SP3: variants seen among roughly 807,000 people sequenced by gnomAD.
SP3 encodes Sp3 transcription factor.
In SP3, 10 loss-of-function variants were observed where a neutral mutation model predicts 70.3. The ratio of observed to expected loss-of-function variants is 0.14; its 90% CI spans 0.09 to 0.24. SP3 has a LOEUF of 0.24. SP3 is among the 10% of genes least tolerant of loss of function. The pLI is 1.00. For synonymous variants in SP3, 402 were observed against 333.5 expected (o/e 1.21, Z -2.24); for missense variants, 825 against 914.6 (o/e 0.90, Z 1.26).
chr2:173,917,094 ATG>A (rs1559090933), intron 5 of SP3, among the ~76,000 whole-genome samples: 2 of 152,118 alleles, frequency 1.3e-5, no homozygotes, highest in Non-Finnish European at 1.5e-5. Context: ...TAAATGTCCT[ATG>A]TGTCTACATT....
In SP3 at chr2:173,901,211, A is replaced by G. The variant is rs994265680; in HGVS notation, c.*8730T>C. On this transcript the variant is annotated 3_prime_UTR_variant, in exon 7 of 7. Coordinates refer to ENST00000310015, the MANE Select transcript of SP3 (RefSeq NM_003111.5). ...AATTAACAAGATAAATAGAAAGGCA[A>G]AATCATAAAATTTTTAGACAAAAAT... Among the ~76,000 whole-genome samples the G allele has an allele frequency of 6.6e-6, 1 of 152,086 alleles. No homozygotes were observed. Among genetic ancestry groups the G allele is most frequent in the Non-Finnish European group, 1.5e-5 (1 of 68,028 alleles).
intron 4 of SP3, among the ~76,000 whole-genome samples, chr2:173,930,272 T>C (rs1312720944): frequency 6.6e-6 from 1 of 152,154 alleles, no homozygotes; most frequent in African/African-American, 2.4e-5. Flanking sequence ...CTCCTACTGA[T>C]TGGAGGTAAG....
At chr2:173,930,808 G>A (rs1187619743) in intron 4 of SP3, among the ~76,000 whole-genome samples, 1 of 152,148 alleles carries the variant, frequency 6.6e-6, no homozygotes, top group Non-Finnish European at 1.5e-5. Flanking sequence ...AGTGATGATA[G>A]GCTGTAATAA....
intron 3 of SP3, among the ~76,000 whole-genome samples, chr2:173,961,794 G>C (rs1691088682): frequency 6.6e-6 from 1 of 152,178 alleles, no homozygotes; most frequent in East Asian, 1.9e-4. Context: ...GATGTCTTAA[G>C]TTCATATTTG....
intron 6 of SP3, among the ~76,000 whole-genome samples, 184 bp downstream of exon 6, chr2:173,912,886 G>A (rs1265286821): frequency 2.0e-5 from 3 of 152,152 alleles, no homozygotes; most frequent in Admixed American, 2.0e-4. Flanking sequence ...TAGAAGATAA[G>A]CCAGACTGAC....
At position 173,910,069 on chromosome 2, in the gene SP3, T is replaced by C. The variant is rs554621330; in HGVS notation, c.2218A>G (p.Ile740Val). ...AGGTTLILAN[I>V]QQGSVSGIGT... ...ATCCCTGAAACAGAACCTTGTTGAA[T>C]ATTTGCAAGGATAAGCGTTGTTCCT... is the stretch of plus-strand genomic sequence containing the variant. The change falls in exon 7 of 7, where the codon ATT (isoleucine) becomes GTT (valine). Residue 740 changes from isoleucine (I) to valine (V), a missense_variant. Around this residue, in one of 4 missense-constraint regions of SP3, gnomAD observed 91 missense variants for 97.4 expected, o/e 0.93. Transcript: ENST00000310015. The C allele has an allele frequency of 6.2e-7, 1 of 1,613,032 alleles. No individual in the cohort carries two copies. Among genetic ancestry groups the C allele is most frequent in the South Asian group, 1.1e-5 (1 of 90,874 alleles).
rs200981487 is a variant in SP3, at chr2:173,955,261, T to C, written c.1251A>G (p.Thr417=). 6.2e-7 allele frequency: 1 copy of C among 1,614,140 alleles called. No individual in the cohort carries two copies. The highest frequency in any genetic ancestry group is 8.5e-7 in the Non-Finnish European group (1 of 1,180,018). The change falls in exon 4 of 7, where the codon ACA becomes ACG. Residue 417 remains threonine, a synonymous_variant. Coordinates refer to ENST00000310015, the MANE Select transcript of SP3 (RefSeq NM_003111.5). ...TSQAQIVQGI[T]PQTIHGVQAS... is the part of the protein sequence containing the mutation. Reference sequence around the variant, plus strand: ...CTTGCACACCATGGATTGTCTGTGGTGTAATACCTTGCACAATTTGGGCTT... The same window carrying C: ...CTTGCACACCATGGATTGTCTGTGGCGTAATACCTTGCACAATTTGGGCTT...
chr2:173,940,256 T>C (rs1690331464), intron 4 of SP3, among the ~76,000 whole-genome samples: 1 of 152,190 alleles, frequency 6.6e-6, no homozygotes, highest in Admixed American at 6.5e-5. Context: ...ACAATTTTAC[T>C]GCTGACAAGG....
At chr2:173,964,098 C>A in intron 2 of SP3, 1 of 347,408 alleles carries the variant, frequency 2.9e-6, no homozygotes, top group South Asian at 1.2e-4. Flanking sequence ...GCTCCCCGGT[C>A]CGCGGGCAGG....
At chr2:173,933,527 C>T (rs182088175) in intron 4 of SP3, among the ~76,000 whole-genome samples, 13 of 151,334 alleles carry the variant, frequency 8.6e-5, no homozygotes, top group African/African-American at 1.5e-4. Context: ...ATCACCATGA[C>T]GTATTTCATT....
chr2:173,913,740 AG>A (rs2105455240), intron 5 of SP3: 1 of 152,386 alleles, frequency 6.6e-6, no homozygotes, highest in Non-Finnish European at 1.5e-5. Flanking sequence ...AGGCAGCTTT[AG>A]CAGACTTTAA....
intron 3 of SP3, among the ~76,000 whole-genome samples, chr2:173,959,387 C>T (rs902396452): frequency 1.3e-5 from 2 of 151,080 alleles, no homozygotes; most frequent in Non-Finnish European, 3.0e-5. Context: ...TGATGTTAGA[C>T]TACTGGAAAC....
intron 4 of SP3, among the ~76,000 whole-genome samples, chr2:173,921,778 G>C (rs534736208): frequency 6.6e-6 from 1 of 152,298 alleles, no homozygotes; most frequent in East Asian, 1.9e-4. Flanking sequence ...GGTGGAGGTG[G>C]AGCCTGGTAG....
At chr2:173,917,992 T>TC (rs1055581416) in intron 5 of SP3, among the ~76,000 whole-genome samples, 1 of 149,870 alleles carries the variant, frequency 6.7e-6, no homozygotes, top group African/African-American at 2.4e-5. Context: ...TGGATCTTGT[T>TC]TTTTTTTTTA....
intron 3 of SP3, among the ~76,000 whole-genome samples, chr2:173,956,637 GATTT>G (rs1690903052): frequency 3.3e-5 from 5 of 152,146 alleles, no homozygotes. Flanking sequence ...ACTTAGAAAA[GATTT>G]ATTGCTATAA....
intron 4 of SP3, among the ~76,000 whole-genome samples, chr2:173,926,855 G>C (rs1380178993): frequency 6.6e-6 from 1 of 152,092 alleles, no homozygotes; most frequent in Non-Finnish European, 1.5e-5. Context: ...ATGCTTTTTA[G>C]ATAGTATTGT....
At position 173,906,759 on chromosome 2, in the gene SP3, T is replaced by C. The variant is rs537711073; in HGVS notation, c.*3182A>G. The C allele has an allele frequency of 1.3e-5, 2 of 152,300 alleles. No homozygotes were observed. Among genetic ancestry groups the C allele is most frequent in the South Asian group, 2.1e-4 (1 of 4,820 alleles). 9.4% of individuals were successfully genotyped at this position (152,300 alleles called of 1,614,324 possible). On this transcript the variant is annotated 3_prime_UTR_variant, in exon 7 of 7. Transcript: ENST00000310015. ...GGGATGCTTGCTCTATTTTAAGTGA[T>C]TGTAACGCAGGAGTGTTTAACAGAA...
rs750852641 is a variant in SP3, at chr2:173,907,076, C to T, written c.*2865G>A. The T allele has an allele frequency of 6.6e-6, 1 of 152,094 alleles. No individual in the cohort carries two copies. The highest frequency in any genetic ancestry group is 1.5e-5 in the Non-Finnish European group (1 of 67,996). The allele number at this position is 152,094 out of a possible 1,614,324, so 9.4% of individuals were successfully genotyped here. On this transcript the variant is annotated 3_prime_UTR_variant, in exon 7 of 7. Transcript: ENST00000310015. ...TGTAGCTCCTTTAAAAGGTTATGTG[C>T]TTTTTGGTTGAGTCACTTTTCAGTA...
At chr2:173,911,652 T>TC (rs1689486157) in intron 6 of SP3, among the ~76,000 whole-genome samples, 1 of 152,140 alleles carries the variant, frequency 6.6e-6, no homozygotes, top group Non-Finnish European at 1.5e-5. Context: ...CCTTTTACAT[T>TC]ATTCCTTTTT....
Sources: allele counts gnomAD v4.1 joint callset (sites outside exome capture counted in the v4.1 genomes callset), GRCh38; gene constraint gnomAD v4.1.1; regional missense constraint gnomAD v4.1.1; transcripts MANE v1.5; gene names NCBI Gene and HGNC (gene_info 2026-07-23, HGNC 2026-07-21).